ZBTB33: variants seen among roughly 807,000 people sequenced by gnomAD.
ZBTB33 encodes zinc finger and BTB domain containing 33.
In ZBTB33, 11 loss-of-function variants were observed where a neutral mutation model predicts 25.9. The observed-to-expected ratio is 0.42, with a 90% CI of 0.27 to 0.70. The LOEUF is 0.70. Ranked by LOEUF, ZBTB33 falls within the 30% of genes least tolerant of loss-of-function variation. The probability of loss-of-function intolerance (pLI) is 0.23; values close to 1 mark genes in which losing one functional copy is unlikely to be tolerated. For synonymous variants in ZBTB33, 157 were observed against 184.8 expected, an observed-to-expected ratio of 0.85 and a Z score of 1.22; for missense variants, 343 against 501.1, an observed-to-expected ratio of 0.68 and a Z score of 3.01.
In ZBTB33 at chrX:120,253,520, C is replaced by T. The variant is rs782124010; in HGVS notation, c.105C>T (p.Thr35=). 1.6e-5 allele frequency: 19 copies of T among 1,210,316 alleles called. No homozygotes were observed. The highest frequency in any genetic ancestry group is 2.2e-5 in the Admixed American group (1 of 45,849). Residue 35 remains threonine, a synonymous_variant, in exon 3 of 3, where the codon ACC becomes ACT. Transcript: ENST00000557385. ...QRGHGLFCDV[T]VIVEDRKFRA... ...GCCATGGACTCTTCTGTGATGTTAC[C>T]GTTATTGTGGAAGACCGAAAATTCC...
chrX:120,251,103 C>A (rs1556014211), intron 1 of ZBTB33, 126 bp downstream of exon 1: 1 of 111,888 alleles, frequency 8.9e-6, no homozygotes, highest in African/African-American at 3.2e-5. Context: ...AGGCTCAGCT[C>A]CTCCGGCTCT....
At position 120,255,777 on chromosome X, in the gene ZBTB33, T is replaced by TA. The variant is rs1603398730; in HGVS notation, c.*344dup. On this transcript the variant is annotated 3_prime_UTR_variant, in exon 3 of 3. Transcript: ENST00000557385. ...GTTATTAGCATACCCTAGTACATCT[T>TA]ACAGCTTTCCCCTTCCATGTTAGCA... 1 of 169,744 alleles carries TA rather than the reference T, an allele frequency of 5.9e-6. No homozygotes were observed. The highest frequency in any genetic ancestry group is 3.1e-5 in the African/African-American group (1 of 32,524). 14.0% of individuals were successfully genotyped at this position (169,744 alleles called of 1,213,427 possible). A position where few individuals can be genotyped will look rare whatever the true frequency, so the allele number is the denominator to read the frequency against.
chrX:120,255,203 A>G lies in ZBTB33; in HGVS notation c.1788A>G (p.Gln596=). 1 of 1,211,647 alleles carries G rather than the reference A, an allele frequency of 8.3e-7. No homozygotes were observed. Among genetic ancestry groups the G allele is most frequent in the South Asian group, 1.8e-5 (1 of 56,985 alleles). The change falls in exon 3 of 3, where the codon CAA becomes CAG. Residue 596 remains glutamine (Q), a synonymous_variant. Transcript: ENST00000557385. ...LHPCRSLQIR[Q]YAYLSDRSST... is the part of the protein sequence containing the mutation. Reference sequence around the variant, plus strand: ...CATGCAGGTCTTTACAAATCAGACAATATGCATATCTTTCCGATAGATCAA... The same window carrying G: ...CATGCAGGTCTTTACAAATCAGACAGTATGCATATCTTTCCGATAGATCAA...
chrX:120,254,293 A>C lies in ZBTB33; in HGVS notation c.878A>C (p.Asn293Thr), dbSNP rs1556014919. The change falls in exon 3 of 3, where the codon AAT becomes ACT. Residue 293 changes from asparagine (N) to threonine (T), a missense_variant. Transcript: ENST00000557385. ...CAGACACCACTTTCTACACCACCAA[A>C]TGTCAGTTCTTCACTTCCAAATCAT... ...LNQTPLSTPPNVSSSLPNHMP... is the reference protein window; with the variant it reads ...LNQTPLSTPPTVSSSLPNHMP... 1 of 1,211,801 alleles carries C rather than the reference A, an allele frequency of 8.3e-7. No individual in the cohort carries two copies. Among genetic ancestry groups the C allele is most frequent in the South Asian group, 1.8e-5 (1 of 57,002 alleles).
rs782158694 is a variant in ZBTB33 at position 120,255,061 on chromosome X, G to A, written c.1646G>A (p.Arg549Lys). Residue 549 changes from arginine (R) to lysine (K), a missense_variant, in exon 3 of 3, where the codon AGG becomes AAG. Physicochemically the swap from Arg to Lys is conservative, Grantham distance 26. Transcript: ENST00000557385. ...KHEIHHTGER[R>K]YQCLACGKSF... The stretch of plus-strand genomic sequence containing the variant: ...GAAATTCATCACACAGGGGAGCGAA[G>A]GTATCAGTGTTTGGCCTGTGGCAAA... The A allele has an allele frequency of 8.3e-7, 1 of 1,211,916 alleles. No homozygotes were observed. The highest frequency in any genetic ancestry group is 3.0e-5 in the East Asian group (1 of 33,853).
chrX:120,256,083 C>T lies in ZBTB33; in HGVS notation c.*649C>T, dbSNP rs192233362. On this transcript the variant is annotated 3_prime_UTR_variant, in exon 3 of 3. Coordinates refer to ENST00000557385, the MANE Select transcript of ZBTB33 (RefSeq NM_001184742.2). ...TTTCATTGCCATAGTCTGTAAAAGA[C>T]TTTGGTGGCTAGACCACTTTATACC... 2 of 122,916 alleles carry T rather than the reference C, an allele frequency of 1.6e-5. No individual in the cohort carries two copies. Among genetic ancestry groups the T allele is most frequent in the Non-Finnish European group, 3.8e-5 (2 of 53,135 alleles). The allele number at this position is 122,916 out of a possible 1,213,427, so 10.1% of individuals were successfully genotyped here.
At chrX:120,252,931 AGTAT>A (rs1264381693) in intron 2 of ZBTB33, among the ~76,000 whole-genome samples, 161 bp downstream of exon 2, 1 of 112,229 alleles carries the variant, frequency 8.9e-6, no homozygotes, top group African/African-American at 3.2e-5. Context: ...TAAAATTAAG[AGTAT>A]GTATTTCAGA....
chrX:120,253,324 A>G, intron 2 of ZBTB33, 90 bp from the exon 3 acceptor site: 1 of 895,506 alleles, frequency 1.1e-6, no homozygotes, highest in East Asian at 3.1e-5. Context: ...TGAATAAACT[A>G]TTTAATGATG....
At position 120,250,951 on chromosome X, in the gene ZBTB33, A is replaced by G. The variant is rs1180446019; in HGVS notation, c.-131A>G. The G allele has an allele frequency of 1.8e-5, 2 of 112,778 alleles. No homozygotes were observed. The highest frequency in any genetic ancestry group is 6.5e-5 in the African/African-American group (2 of 31,002). 9.3% of individuals were successfully genotyped at this position (112,778 alleles called of 1,213,427 possible). On this transcript the variant is annotated 5_prime_UTR_variant, in exon 1 of 3. Coordinates refer to ENST00000557385, the MANE Select transcript of ZBTB33 (RefSeq NM_001184742.2). ...TCCCAGCCTTCCGCGCGTCCGGAGG[A>G]GGAGAAGCGGCGGCGCCGGGAAGCA...
At position 120,255,028 on chromosome X, in the gene ZBTB33, C is replaced by T; in HGVS notation, c.1613C>T (p.Thr538Ile). ...EKVFPLAEYR[T>I]KHEIHHTGER... ...GTATTTCCTCTTGCAGAATATCGCA[C>T]AAAGCATGAAATTCATCACACAGGG... is the stretch of plus-strand genomic sequence containing the variant. The change falls in exon 3 of 3, where the codon ACA (threonine) becomes ATA (isoleucine). Residue 538 changes from threonine to isoleucine, a missense_variant. By Grantham distance (89) the Thr-to-Ile change is moderately conservative. Around this residue, in one of 2 missense-constraint regions of ZBTB33, gnomAD observed 304 missense variants for 410.0 expected, o/e 0.74. Coordinates refer to ENST00000557385, the MANE Select transcript of ZBTB33 (RefSeq NM_001184742.2). The T allele has an allele frequency of 8.3e-7, 1 of 1,211,864 alleles. No individual in the cohort carries two copies. Among genetic ancestry groups the T allele is most frequent in the Non-Finnish European group, 1.1e-6 (1 of 895,547 alleles).
Position 120,255,471 on chromosome X carries a change from A to G in ZBTB33, c.*37A>G, listed in dbSNP as rs782803950. On this transcript the variant is annotated 3_prime_UTR_variant, in exon 3 of 3. Transcript: ENST00000557385. ...ATACTAGAAAGTTTTGTTTTGGATG[A>G]TGGGGCAGGGGTTTCAGAAGATCTG... The G allele has an allele frequency of 1.6e-5, 17 of 1,071,991 alleles. No individual in the cohort carries two copies. The South Asian group carries it at 3.7e-4, about 23-fold the overall frequency. The allele number at this position is 1,071,991 out of a possible 1,213,427, so 88.3% of individuals were successfully genotyped here.
At chrX:120,251,659 A>C (rs2057601493) in intron 1 of ZBTB33, among the ~76,000 whole-genome samples, 1 of 111,592 alleles carries the variant, frequency 9.0e-6, no homozygotes, top group Non-Finnish European at 1.9e-5. Context: ...GATGGCTTTT[A>C]TCTCTTTCCA....
rs1212226648 is a variant in ZBTB33, at chrX:120,256,852, T to C, written c.*1418T>C. 1 of 121,532 alleles carries C rather than the reference T, an allele frequency of 8.2e-6. No homozygotes were observed. The highest frequency in any genetic ancestry group is 1.9e-5 in the Non-Finnish European group (1 of 52,733). 10.0% of individuals were successfully genotyped at this position (121,532 alleles called of 1,213,427 possible). ...AAAGATTGTTGTGCATAGTTATTAG[T>C]CATTTGTAACCTTGCTTAAGTATTT... On this transcript the variant is annotated 3_prime_UTR_variant, in exon 3 of 3. Transcript: ENST00000557385.
At position 120,255,145 on chromosome X, in the gene ZBTB33, C is replaced by T; in HGVS notation, c.1730C>T (p.Pro577Leu). The change falls in exon 3 of 3, where the codon CCT becomes CTT. Residue 577 changes from proline to leucine, a missense_variant. Transcript: ENST00000557385. ...SHIKSVHSQD[P>L]SGDSKLYRLH... is the part of the protein sequence containing the mutation. ...ATAAAGTCAGTTCATAGTCAAGATC[C>T]TTCTGGGGACTCAAAGCTTTATCGT... The T allele has an allele frequency of 2.5e-6, 3 of 1,211,769 alleles. No individual in the cohort carries two copies. Among genetic ancestry groups the T allele is most frequent in the Non-Finnish European group, 2.2e-6 (2 of 895,493 alleles).
chrX:120,252,371 GTTTT>G lies in ZBTB33; in HGVS notation c.-104-294_-104-291del, dbSNP rs782784486. On this transcript the variant is annotated intron_variant, in intron 1 of 2. Transcript: ENST00000557385. ...GATATTATATATTTTTAATATATGG[GTTTT>G]TTTAAACTCTGGCCTCTTTGTTACT... 4.5e-5 allele frequency among the ~76,000 whole-genome samples: 5 copies of G among 110,196 alleles called. No individual in the cohort carries two copies. In the South Asian group the frequency reaches 1.9e-3, roughly 42 times the overall value.
At position 120,254,001 on chromosome X, in the gene ZBTB33, A is replaced by AT; in HGVS notation, c.592dup (p.Cys198LeufsTer14). 1 of 1,152,271 alleles carries AT rather than the reference A, an allele frequency of 8.7e-7. No homozygotes were observed. The highest frequency in any genetic ancestry group is 1.2e-6 in the Non-Finnish European group (1 of 849,717). 95.0% of individuals were successfully genotyped at this position (1,152,271 alleles called of 1,213,427 possible). A position where few individuals can be genotyped will look rare whatever the true frequency, so the allele number is the denominator to read the frequency against. On this transcript the variant is annotated frameshift_variant, in exon 3 of 3. Transcript: ENST00000557385. LOFTEE classifies it high-confidence loss of function. ...TTCTGATGATGATGATGATGATGTC[A>AT]TTTTTTGCTCCGAGATTCTGCCCAC... is the stretch of plus-strand genomic sequence containing the variant.
rs990480184 is a variant in ZBTB33 at position 120,254,089 on chromosome X, C to G, written c.674C>G (p.Ala225Gly). ...GTCCAATCTAACCCAGGCCCTGTTG[C>G]TATTTCAGATGTTGCACCTAGTGCT... is the stretch of plus-strand genomic sequence containing the variant. The part of the protein sequence containing the change: ...AQVQSNPGPV[A>G]ISDVAPSASN... Residue 225 changes from alanine (A) to glycine (G), a missense_variant, in exon 3 of 3, where the codon GCT (alanine) becomes GGT (glycine). Physicochemically the swap from Ala to Gly is moderately conservative, Grantham distance 60 (BLOSUM62 0). This residue lies in a region of ZBTB33 where 304 missense variants were observed against 410.0 expected (regional missense o/e 0.74). Transcript: ENST00000557385. 1 of 1,211,462 alleles carries G rather than the reference C, an allele frequency of 8.3e-7. No homozygotes were observed. Among genetic ancestry groups the G allele is most frequent in the Non-Finnish European group, 1.1e-6 (1 of 895,438 alleles).
rs1231502325 is a variant in ZBTB33, at chrX:120,254,463, G to A, written c.1048G>A (p.Val350Ile). The A allele has an allele frequency of 5.8e-6, 7 of 1,211,540 alleles. No homozygotes were observed. Among genetic ancestry groups the A allele is most frequent in the African/African-American group, 3.5e-5 (2 of 57,720 alleles). ...DTISSSPDSA[V>I]SNTSLVPQAD... is the part of the protein sequence containing the mutation. ...TATTAGCTCCAGTCCTGACTCGGCC[G>A]TCAGTAATACATCTTTGGTCCCACA... is the stretch of plus-strand genomic sequence containing the variant. Residue 350 changes from valine to isoleucine, a missense_variant, in exon 3 of 3, where the codon GTC becomes ATC. Transcript: ENST00000557385.
chrX:120,255,018 G>C lies in ZBTB33; in HGVS notation c.1603G>C (p.Glu535Gln). The C allele has an allele frequency of 8.3e-7, 1 of 1,210,398 alleles. No individual in the cohort carries two copies. Among genetic ancestry groups the C allele is most frequent in the Non-Finnish European group, 1.1e-6 (1 of 895,358 alleles). Reference protein sequence around the residue: ...RYCEKVFPLAEYRTKHEIHHT... With the variant: ...RYCEKVFPLAQYRTKHEIHHT... ...CTGTGAGAAGGTATTTCCTCTTGCA[G>C]AATATCGCACAAAGCATGAAATTCA... The change falls in exon 3 of 3, where the codon GAA (glutamate) becomes CAA (glutamine). Residue 535 changes from glutamate to glutamine, a missense_variant. By Grantham distance (29) the Glu-to-Gln change is conservative. This residue lies in a region of ZBTB33 where 304 missense variants were observed against 410.0 expected (regional missense o/e 0.74). Coordinates refer to ENST00000557385, the MANE Select transcript of ZBTB33 (RefSeq NM_001184742.2).
Sources: allele counts gnomAD v4.1 joint callset (sites outside exome capture counted in the v4.1 genomes callset), GRCh38; gene constraint gnomAD v4.1.1; regional missense constraint gnomAD v4.1.1; transcripts MANE v1.5; gene names NCBI Gene and HGNC (gene_info 2026-07-23, HGNC 2026-07-21).